The following TBCEL variants were observed in gnomAD, a reference collection of about 807,000 sequenced individuals.
The protein encoded by TBCEL is tubulin-specific chaperone cofactor E-like protein.
TBCEL carries 15 observed loss-of-function variants against 44.2 expected under a neutral mutation model. The observed-to-expected ratio is 0.34, with a 90% confidence interval of 0.23 to 0.52. TBCEL has a LOEUF of 0.52. Ranked by LOEUF, TBCEL falls within the 20% of genes least tolerant of loss-of-function variation. TBCEL has a pLI of 0.95. For synonymous variants in TBCEL, 171 were observed against 185.4 expected (o/e 0.92, Z 0.63); for missense variants, 319 against 506.3 (o/e 0.63, Z 3.55).
intron 8 of TBCEL, among the ~76,000 whole-genome samples, chr11:121,080,907 T>C (rs1187481041): frequency 6.6e-6 from 1 of 152,212 alleles, no homozygotes; most frequent in East Asian, 1.9e-4. Context: ...AGGTGTGCCA[T>C]GGACCAGGAC....
intron 8 of TBCEL, among the ~76,000 whole-genome samples, chr11:121,066,158 A>G (rs1397040989): frequency 6.6e-6 from 1 of 152,238 alleles, no homozygotes; most frequent in Non-Finnish European, 1.5e-5. Flanking sequence ...TATACAAACA[A>G]TATGCTTCTG....
chr11:121,053,821 C>G, intron 5 of TBCEL, 89 bp downstream of exon 5: 8 of 1,360,204 alleles, frequency 5.9e-6, no homozygotes, highest in Non-Finnish European at 8.0e-6. Context: ...GCAAGAAATA[C>G]TAGAACTGCA....
At chr11:121,047,028 T>C (rs1945443048) in intron 3 of TBCEL, among the ~76,000 whole-genome samples, 1 of 151,998 alleles carries the variant, frequency 6.6e-6, no homozygotes, top group Non-Finnish European at 1.5e-5. Context: ...TGATGTAAAC[T>C]TAACAGAAGT....
chr11:121,035,344 T>G (rs1175765705), intron 1 of TBCEL: 1 of 151,868 alleles, frequency 6.6e-6, no homozygotes, highest in Non-Finnish European at 1.5e-5. Context: ...CACAGAGTAG[T>G]GGAATCAGTC....
Position 121,042,734 on chromosome 11 carries a change from A to G in TBCEL, c.-17-2940A>G, listed in dbSNP as rs1451548347. On this transcript the variant is annotated intron_variant, in intron 2 of 8. Coordinates refer to ENST00000683345, the MANE Select transcript of TBCEL (RefSeq NM_001363644.2). Reference sequence around the variant, plus strand: ...TTTGTAAATTGATTCCACAAAGTCCAGTAGATCATGGTCCTGGTAGTAATC... The same window carrying G: ...TTTGTAAATTGATTCCACAAAGTCCGGTAGATCATGGTCCTGGTAGTAATC... Among the ~76,000 whole-genome samples the G allele has an allele frequency of 2.0e-5, 3 of 152,164 alleles. No individual in the cohort carries two copies. The East Asian group carries it at 5.8e-4, about 29-fold the overall frequency.
rs567038354 is a variant in TBCEL, at chr11:121,061,662, T to TA, written c.956+1580dup. Among the ~76,000 whole-genome samples the TA allele has an allele frequency of 5.9e-5, 9 of 152,186 alleles. No individual in the cohort carries two copies. In the East Asian group the frequency reaches 1.7e-3, roughly 29 times the overall value. On this transcript the variant is annotated intron_variant, in intron 8 of 8. Coordinates refer to ENST00000683345, the MANE Select transcript of TBCEL (RefSeq NM_001363644.2). ...AAGTATTTGTGTATCTAAATACATC[T>TA]AAACATAGAACAGGTACAGTGACGA... is the stretch of plus-strand genomic sequence containing the variant.
At chr11:121,037,740 A>C (rs1224283025) in intron 2 of TBCEL, among the ~76,000 whole-genome samples, 1 of 152,228 alleles carries the variant, frequency 6.6e-6, no homozygotes, top group Non-Finnish European at 1.5e-5. Context: ...CTAGAAGGAT[A>C]CACACCATGA....
At chr11:121,068,827 C>T (rs1236327169) in intron 8 of TBCEL, among the ~76,000 whole-genome samples, 3 of 150,346 alleles carry the variant, frequency 2.0e-5, no homozygotes, top group Admixed American at 6.6e-5. Flanking sequence ...GCGGAGGTTG[C>T]GGTGAGCTGA....
chr11:121,038,279 TA>T (rs1272163612), intron 2 of TBCEL, among the ~76,000 whole-genome samples: 1 of 152,170 alleles, frequency 6.6e-6, no homozygotes, highest in Non-Finnish European at 1.5e-5. Context: ...TTATATTTTT[TA>T]AAAGCAAATA....
At chr11:121,056,798 G>A (rs1207164248) in intron 6 of TBCEL, among the ~76,000 whole-genome samples, 2 of 151,828 alleles carry the variant, frequency 1.3e-5, no homozygotes, top group African/African-American at 4.8e-5. Context: ...GTCTGTTCAG[G>A]TCTGTGGCCC....
At chr11:121,028,152 A>G (rs1017254729) in intron 1 of TBCEL, among the ~76,000 whole-genome samples, 1 of 152,126 alleles carries the variant, frequency 6.6e-6, no homozygotes, top group Non-Finnish European at 1.5e-5. Context: ...TCAGTGAGCT[A>G]TGATTACACC....
At chr11:121,028,584 T>A (rs1356117610) in intron 1 of TBCEL, among the ~76,000 whole-genome samples, 1 of 152,200 alleles carries the variant, frequency 6.6e-6, no homozygotes, top group Non-Finnish European at 1.5e-5. Context: ...TATAAAAGTG[T>A]TGTGATAACT....
At chr11:121,081,565 A>C (rs1312697718) in intron 8 of TBCEL, among the ~76,000 whole-genome samples, 1 of 152,236 alleles carries the variant, frequency 6.6e-6, no homozygotes, top group African/African-American at 2.4e-5. Flanking sequence ...TCAGGAAGAC[A>C]TTGGAACTAA....
intron 8 of TBCEL, among the ~76,000 whole-genome samples, chr11:121,071,169 G>C (rs1945924033): frequency 1.3e-5 from 2 of 152,086 alleles, no homozygotes. Context: ...CACATTGCTT[G>C]TATTTTTCAG....
chr11:121,063,637 A>G (rs999617281), intron 8 of TBCEL, among the ~76,000 whole-genome samples: 4 of 152,252 alleles, frequency 2.6e-5, no homozygotes, highest in African/African-American at 9.6e-5. Context: ...AACAGGAAAG[A>G]ACAACATATA....
At chr11:121,065,736 C>G (rs1436002254) in intron 8 of TBCEL, among the ~76,000 whole-genome samples, 1 of 152,208 alleles carries the variant, frequency 6.6e-6, no homozygotes, top group East Asian at 1.9e-4. Context: ...GTTTTGAATT[C>G]TTCATGCCCT....
At chr11:121,043,672 C>G (rs1945374095) in intron 2 of TBCEL, among the ~76,000 whole-genome samples, 1 of 152,094 alleles carries the variant, frequency 6.6e-6, no homozygotes, top group Non-Finnish European at 1.5e-5. Flanking sequence ...GGATTCCCTA[C>G]TCTCTTATCA....
At position 121,045,836 on chromosome 11, in the gene TBCEL, G is replaced by T; in HGVS notation, c.133+13G>T. 1 of 1,570,934 alleles carries T rather than the reference G, an allele frequency of 6.4e-7. No homozygotes were observed. The highest frequency in any genetic ancestry group is 1.2e-5 in the South Asian group (1 of 82,682). ...TCTCCTATGAAAGGTAAGAAAGATG[G>T]GACCTAAAACACTTATTTAGTGGAG... On this transcript the variant is annotated intron_variant, in intron 3 of 8. Transcript: ENST00000683345.
intron 8 of TBCEL, among the ~76,000 whole-genome samples, chr11:121,062,412 G>A (rs1432103992): frequency 6.6e-6 from 1 of 152,074 alleles, no homozygotes; most frequent in Non-Finnish European, 1.5e-5. Flanking sequence ...ATAATTTTAT[G>A]TGCTGTACAT....
Sources: allele counts gnomAD v4.1 joint callset (sites outside exome capture counted in the v4.1 genomes callset), GRCh38; gene constraint gnomAD v4.1.1; transcripts MANE v1.5; gene names NCBI Gene and HGNC (gene_info 2026-07-23, HGNC 2026-07-21).